Variants in TENM4 observed in about 807,000 individuals in gnomAD.
TENM4 encodes the protein teneurin-4.
In TENM4, 82 loss-of-function variants were observed where a neutral mutation model predicts 243.3. The observed-to-expected ratio is 0.34, with a 90% CI of 0.28 to 0.40. The LOEUF (loss-of-function observed/expected upper bound fraction) is 0.40. Ranked by LOEUF, TENM4 falls within the 10% of genes least tolerant of loss-of-function variation. The pLI is 1.00. For synonymous variants in TENM4, 1,412 were observed against 1,456.3 expected (o/e 0.97, Z 0.69); for missense variants, 3,138 against 3,673.3 (o/e 0.85, Z 3.77).
chr11:79,434,498 C>T (rs542743120), intron 1 of TENM4, among the ~76,000 whole-genome samples: 10 of 152,270 alleles, frequency 6.6e-5, no homozygotes, highest in East Asian at 5.8e-4. Flanking sequence ...CCACCTACAA[C>T]GCTGAGGAAC....
intron 6 of TENM4, among the ~76,000 whole-genome samples, chr11:78,912,653 T>C (rs924158554): frequency 2.0e-5 from 3 of 152,250 alleles, no homozygotes; most frequent in Non-Finnish European, 4.4e-5. Context: ...CATCAGTGAA[T>C]GTTCTCTAGG....
At chr11:78,849,144 A>C (rs902728366) in intron 12 of TENM4, among the ~76,000 whole-genome samples, 4 of 152,254 alleles carry the variant, frequency 2.6e-5, no homozygotes, top group Admixed American at 2.6e-4. Flanking sequence ...GCATCAGCCA[A>C]AATGAAAAGA....
intron 4 of TENM4, among the ~76,000 whole-genome samples, chr11:79,132,690 G>C (rs1862035217): frequency 6.6e-6 from 1 of 151,954 alleles, no homozygotes; most frequent in African/African-American, 2.4e-5. Flanking sequence ...ACTCCAAAAG[G>C]AAACTTTAAA....
At chr11:78,774,608 A>G (rs540565086) in intron 17 of TENM4, among the ~76,000 whole-genome samples, 1 of 152,324 alleles carries the variant, frequency 6.6e-6, no homozygotes, top group East Asian at 1.9e-4. Context: ...CACTCAATAT[A>G]TATTTGTTAA....
At chr11:78,909,301 C>T (rs987615666) in intron 6 of TENM4, among the ~76,000 whole-genome samples, 5 of 152,274 alleles carry the variant, frequency 3.3e-5, no homozygotes, top group Admixed American at 3.3e-4. Flanking sequence ...TTACTACTTG[C>T]CGGATACTTT....
intron 4 of TENM4, 57 bp from the exon 5 acceptor site, chr11:79,070,066 A>G: frequency 6.9e-7 from 1 of 1,455,108 alleles, no homozygotes; most frequent in South Asian, 1.4e-5. Flanking sequence ...TCCCGGGTTC[A>G]TCCTGGTCCT....
chr11:79,119,221 C>T (rs766028179), intron 4 of TENM4, among the ~76,000 whole-genome samples: 17 of 152,234 alleles, frequency 1.1e-4, no homozygotes, highest in South Asian at 6.2e-4. Flanking sequence ...CCATCCAGGT[C>T]TAGAGAAATA....
intron 6 of TENM4, among the ~76,000 whole-genome samples, chr11:79,048,579 G>A (rs575965989): frequency 1.3e-5 from 2 of 152,204 alleles, no homozygotes; most frequent in South Asian, 4.2e-4. Flanking sequence ...GTGCTGCAAA[G>A]AGTCTGTGAT....
intron 4 of TENM4, among the ~76,000 whole-genome samples, chr11:79,107,565 T>C (rs1441577533): frequency 6.6e-6 from 1 of 152,178 alleles, no homozygotes; most frequent in East Asian, 1.9e-4. Flanking sequence ...GGGTCAATGT[T>C]CCCTGATTCA....
At chr11:79,295,937 C>T (rs1264145529) in intron 2 of TENM4, among the ~76,000 whole-genome samples, 1 of 93,572 alleles carries the variant, frequency 1.1e-5, no homozygotes, top group African/African-American at 4.5e-5. Flanking sequence ...ACACACTCCC[C>T]CAAAATCCCA....
At chr11:79,060,168 C>T (rs1435724835) in intron 6 of TENM4, among the ~76,000 whole-genome samples, 2 of 152,224 alleles carry the variant, frequency 1.3e-5, no homozygotes, top group African/African-American at 2.4e-5. Flanking sequence ...GCCGACTGTT[C>T]CTGACAGGCC....
chr11:78,908,203 A>G (rs974179584), intron 6 of TENM4, among the ~76,000 whole-genome samples: 1 of 152,206 alleles, frequency 6.6e-6, no homozygotes, highest in Non-Finnish European at 1.5e-5. Context: ...GAGAGCCCTG[A>G]GTTCAAGTTT....
chr11:78,729,318 G>A, intron 22 of TENM4, 58 bp downstream of exon 22: 3 of 1,505,234 alleles, frequency 2.0e-6, no homozygotes, highest in Non-Finnish European at 1.8e-6. Flanking sequence ...AACTAGGGAG[G>A]TAGAAAGAGT....
chr11:78,918,182 T>C (rs1856364489), intron 6 of TENM4, among the ~76,000 whole-genome samples: 1 of 152,122 alleles, frequency 6.6e-6, no homozygotes, highest in African/African-American at 2.4e-5. Flanking sequence ...GTTCTGAAAA[T>C]AGTACTATTA....
At chr11:79,300,354 T>A (rs979811) in intron 1 of TENM4, among the ~76,000 whole-genome samples, 2,492 of 152,260 alleles carry the variant, frequency 0.016, 66 homozygotes, top group African/African-American at 0.056. Flanking sequence ...TTTAGTAAAA[T>A]AGCATGCTTT....
At chr11:78,756,703 C>G (rs577639533) in intron 19 of TENM4, 102 bp downstream of exon 19, 2 of 1,127,056 alleles carry the variant, frequency 1.8e-6, no homozygotes, top group Non-Finnish European at 2.5e-6. Flanking sequence ...GATGCTCTCA[C>G]GTTCCTGGCT....
At chr11:78,973,758 CATTAAAT>C (rs1170298453) in intron 6 of TENM4, among the ~76,000 whole-genome samples, 1 of 150,218 alleles carries the variant, frequency 6.7e-6, no homozygotes, top group South Asian at 2.1e-4. Context: ...TGGTTTTTGC[CATTAAAT>C]ATAATGGCAA....
intron 1 of TENM4, among the ~76,000 whole-genome samples, chr11:79,329,965 C>G (rs936386223): frequency 6.6e-5 from 10 of 152,110 alleles, no homozygotes; most frequent in African/African-American, 2.4e-4. Context: ...GCAGAACCTG[C>G]TGAGAAGAGG....
At position 78,708,399 on chromosome 11, in the gene TENM4, G is replaced by A. The variant is rs373349956; in HGVS notation, c.4171C>T (p.Arg1391Trp). Residue 1391 changes from arginine to tryptophan, a missense_variant, in exon 27 of 34, where the codon CGG becomes TGG. Arg to Trp is a moderately radical substitution (Grantham distance 101). This residue lies in a region of TENM4 where 2,467 missense variants were observed against 3,059.1 expected (regional missense o/e 0.81). Coordinates refer to ENST00000278550, the MANE Select transcript of TENM4 (RefSeq NM_001098816.3). ...LLGSNDLTSA[R>W]PLSCDSVMDI... Reference sequence around the variant, plus strand: ...ATGACAGAATCACAGCTGAGTGGCCGGGCTGATGTGAGATCATTAGAGCCG... The same window carrying A: ...ATGACAGAATCACAGCTGAGTGGCCAGGCTGATGTGAGATCATTAGAGCCG... 6 of 1,614,020 alleles carry A rather than the reference G, an allele frequency of 3.7e-6. No individual in the cohort carries two copies. The highest frequency in any genetic ancestry group is 1.7e-5 in the Admixed American group (1 of 60,020).
Sources: allele counts gnomAD v4.1 joint callset (sites outside exome capture counted in the v4.1 genomes callset), GRCh38; gene constraint gnomAD v4.1.1; regional missense constraint gnomAD v4.1.1; transcripts MANE v1.5; gene names NCBI Gene and HGNC (gene_info 2026-07-23, HGNC 2026-07-21).